The following ANKRD42 variants were observed in gnomAD, a reference collection of about 807,000 sequenced individuals.
The protein encoded by ANKRD42 is ankyrin repeat domain-containing protein 42.
In ANKRD42, 43 loss-of-function variants were observed where a neutral mutation model predicts 51.5. That is an observed-to-expected ratio of 0.83 (90% confidence interval 0.65 to 1.08). ANKRD42 has a LOEUF of 1.08. Ranked by LOEUF, ANKRD42 falls within the 50% of genes least tolerant of loss-of-function variation. The pLI is 0.00. For synonymous variants in ANKRD42, 203 were observed against 213.0 expected (o/e 0.95, Z 0.41); for missense variants, 608 against 629.3 (o/e 0.97, Z 0.36).
intron 5 of ANKRD42, chr11:83,213,075 AGACT>A (rs758980423): frequency 1.2e-6 from 2 of 1,600,524 alleles, no homozygotes; most frequent in South Asian, 2.2e-5. Context: ...TTCCGGCACC[AGACT>A]GACTGATATG....
At chr11:83,246,310 G>T (rs1181589070) in intron 10 of ANKRD42, among the ~76,000 whole-genome samples, 4 of 152,184 alleles carry the variant, frequency 2.6e-5, no homozygotes, top group Non-Finnish European at 4.4e-5. Context: ...ATCTAGAGAT[G>T]ATTCAAATTA....
downstream of ANKRD42, among the ~76,000 whole-genome samples, chr11:83,262,858 C>T (rs1864009232): frequency 6.6e-6 from 1 of 152,188 alleles, no homozygotes; most frequent in African/African-American, 2.4e-5. Flanking sequence ...CTAAGAGTTT[C>T]TTGTCTTACA....
intron 9 of ANKRD42, 124 bp from the exon 10 acceptor site, chr11:83,245,374 A>AC: frequency 7.8e-6 from 8 of 1,020,964 alleles, no homozygotes; most frequent in East Asian, 2.6e-5. Flanking sequence ...ACCTTCCTCC[A>AC]CCCCCCTCTC....
intron 2 of ANKRD42, among the ~76,000 whole-genome samples, chr11:83,198,873 T>C (rs563120999): frequency 6.6e-6 from 1 of 152,178 alleles, no homozygotes; most frequent in Non-Finnish European, 1.5e-5. Flanking sequence ...ACCCAAGAAT[T>C]TGGATCCCGG....
chr11:83,211,689 T>A (rs1862327107), intron 5 of ANKRD42, among the ~76,000 whole-genome samples: 1 of 151,722 alleles, frequency 6.6e-6, no homozygotes, highest in African/African-American at 2.4e-5. Flanking sequence ...TGTGTGCCTG[T>A]AGTCTAACTT....
intron 11 of ANKRD42, chr11:83,255,836 T>G: frequency 6.6e-7 from 1 of 1,518,340 alleles, no homozygotes; most frequent in Non-Finnish European, 8.8e-7. Flanking sequence ...TCTTTTCCTT[T>G]GCTTATAGGA....
rs117617322 is a variant in ANKRD42 at position 83,224,623 on chromosome 11, A to G, written c.587-232A>G. Among the ~76,000 whole-genome samples, 21 of 152,222 alleles carry G rather than the reference A, an allele frequency of 1.4e-4. 2 individuals carry two copies. In the East Asian group the frequency reaches 4.1e-3, roughly 29 times the overall value. The stretch of plus-strand genomic sequence containing the variant: ...TTTCAAGTTATTTTAGTTTCAATTT[A>G]AAAAATAAATTCTGCCAGGCATGGT... On this transcript the variant is annotated intron_variant, in intron 5 of 10. Transcript: ENST00000533342.
chr11:83,237,455 A>T (rs1352814518), intron 8 of ANKRD42, among the ~76,000 whole-genome samples: 1 of 152,232 alleles, frequency 6.6e-6, no homozygotes, highest in Non-Finnish European at 1.5e-5. Context: ...AGGAGTTGTA[A>T]GACAACACCT....
downstream of ANKRD42, among the ~76,000 whole-genome samples, chr11:83,263,529 C>A (rs1053869035): frequency 1.3e-5 from 2 of 152,206 alleles, no homozygotes; most frequent in Admixed American, 1.3e-4. Flanking sequence ...TAAACATTAG[C>A]TTTCATTATT....
At chr11:83,195,416 T>G (rs1383779574) in intron 1 of ANKRD42, among the ~76,000 whole-genome samples, 1 of 152,004 alleles carries the variant, frequency 6.6e-6, no homozygotes, top group East Asian at 1.9e-4. Flanking sequence ...AGGGGGTGAG[T>G]ATGGGTGTCA....
At chr11:83,252,811 A>G (rs1863698228), downstream of ANKRD42, among the ~76,000 whole-genome samples, 1 of 151,718 alleles carries the variant, frequency 6.6e-6, no homozygotes, top group East Asian at 1.9e-4. Flanking sequence ...ATTGTACTTA[A>G]AACATTAAAT....
intron 6 of ANKRD42, among the ~76,000 whole-genome samples, chr11:83,225,374 T>A (rs1282995635): frequency 6.6e-6 from 1 of 151,862 alleles, no homozygotes; most frequent in Non-Finnish European, 1.5e-5. Context: ...TGAGACCAAC[T>A]TGGGAAATAT....
chr11:83,210,420 G>T lies in ANKRD42; in HGVS notation c.450+1G>T. On this transcript the variant is annotated splice_donor_variant, in intron 4 of 10. Transcript: ENST00000533342. LOFTEE classifies it high-confidence loss of function. ...ACAAATAATGCTCCGAAGTGGAGTG[G>T]TGAGTGACTCCTGTTAATATGTGCT... The T allele has an allele frequency of 6.2e-7, 1 of 1,613,720 alleles. No homozygotes were observed. The highest frequency in any genetic ancestry group is 8.5e-7 in the Non-Finnish European group (1 of 1,179,712).
At chr11:83,224,238 G>A (rs1444327386) in intron 5 of ANKRD42, among the ~76,000 whole-genome samples, 1 of 151,912 alleles carries the variant, frequency 6.6e-6, no homozygotes, top group Non-Finnish European at 1.5e-5. Context: ...ATATTATAAT[G>A]TTCTTATTTG....
Position 83,194,626 on chromosome 11 carries a change from A to AG in ANKRD42, c.-41dup. 6.2e-7 allele frequency: 1 copy of AG among 1,602,314 alleles called. No individual in the cohort carries two copies. Among genetic ancestry groups the AG allele is most frequent in the Non-Finnish European group, 8.5e-7 (1 of 1,170,924 alleles). On this transcript the variant is annotated 5_prime_UTR_variant, in exon 1 of 11. Transcript: ENST00000533342. ...AGCAAGTGAAGACCGCCGCAGCATC[A>AG]GGGGCCTGGACTCAACTCCTCCCCA...
intron 10 of ANKRD42, 150 bp from the exon 11 acceptor site, chr11:83,247,793 A>T (rs183085637): frequency 4.1e-5 from 32 of 776,962 alleles, no homozygotes; most frequent in Middle Eastern, 3.9e-4. Context: ...GTCAGTGCTC[A>T]TTCTTAGTAG....
At chr11:83,226,312 G>T (rs932658075) in intron 6 of ANKRD42, among the ~76,000 whole-genome samples, 49 of 152,108 alleles carry the variant, frequency 3.2e-4, no homozygotes, top group African/African-American at 1.1e-3. Context: ...TGTCTTTAAT[G>T]ATAGTAACTA....
intron 5 of ANKRD42, chr11:83,212,694 G>A (rs1308994221): frequency 1.3e-6 from 2 of 1,536,026 alleles, no homozygotes; most frequent in South Asian, 1.2e-5. Context: ...TCCTTGGCTT[G>A]GCATGCTGGA....
chr11:83,236,646 A>G, intron 8 of ANKRD42, 137 bp downstream of exon 8: 3 of 605,612 alleles, frequency 5.0e-6, no homozygotes, highest in Non-Finnish European at 8.3e-6. Flanking sequence ...ACAATTTTCA[A>G]GCTGAATTGA....
Sources: gnomAD v4.1 joint callset for allele counts (sites outside exome capture counted in the v4.1 genomes callset) on GRCh38, gnomAD v4.1.1 for gene constraint, MANE v1.5 for transcripts, NCBI Gene and HGNC (gene_info 2026-07-23, HGNC 2026-07-21) for gene names.